Variants in PACS1 observed in about 807,000 individuals in gnomAD.
The protein encoded by PACS1 is phosphofurin acidic cluster sorting protein 1.
A neutral mutation model predicts 115.0 loss-of-function variants in PACS1; 24 were observed. The observed-to-expected ratio is 0.21, with a 90% CI of 0.15 to 0.29. The LOEUF (loss-of-function observed/expected upper bound fraction) is 0.29. PACS1 is among the 10% of genes least tolerant of loss of function. The pLI is 1.00. For missense variants in PACS1, 838 were observed against 1,251.2 expected, an observed-to-expected ratio of 0.67 and a Z score of 4.98; for synonymous variants, 453 against 504.5, an observed-to-expected ratio of 0.90 and a Z score of 1.37.
In PACS1 at chr11:66,137,200, A is replaced by G. The variant is rs549528727; in HGVS notation, c.357-56286A>G. On this transcript the variant is annotated intron_variant, in intron 1 of 23. Transcript: ENST00000320580. ...AGGCCTTGTCCACTTGAGGCTGTTT[A>G]AAAAATACCCATATTTTCTGCTAGT... Among the ~76,000 whole-genome samples the G allele has an allele frequency of 2.9e-3, 440 of 151,338 alleles. 5 individuals carry two copies. The highest frequency in any genetic ancestry group is 0.01 in the African/African-American group (420 of 40,726).
intron 1 of PACS1, among the ~76,000 whole-genome samples, chr11:66,075,184 C>A (rs1433993612): frequency 6.6e-6 from 1 of 152,136 alleles, no homozygotes; most frequent in East Asian, 1.9e-4. Flanking sequence ...AGCTTGTGAT[C>A]TGCCCGCCTT....
chr11:66,070,736 T>A lies in PACS1; in HGVS notation c.250T>A (p.Ser84Thr), dbSNP rs1857294048. Residue 84 changes from serine to threonine, a missense_variant, in exon 1 of 24, where the codon TCC becomes ACC. Around this residue, in one of 6 missense-constraint regions of PACS1, gnomAD observed 129 missense variants for 109.4 expected, o/e 1.18. Transcript: ENST00000320580. The surrounding 1 kb of genome is among the most constrained non-coding windows in gnomAD (Gnocchi z 5.9). ...TSMAVAVASGSAPPGGPGPGR... is the reference protein window; with the variant it reads ...TSMAVAVASGTAPPGGPGPGR... ...CATGGCCGTGGCGGTGGCCTCGGGC[T>A]CCGCGCCTCCCGGTGGCCCGGGGCC... 6.4e-7 allele frequency: 1 copy of A among 1,564,956 alleles called. No individual in the cohort carries two copies. The highest frequency in any genetic ancestry group is 8.6e-7 in the Non-Finnish European group (1 of 1,163,658).
At chr11:66,089,267 T>C (rs1459224727) in intron 1 of PACS1, among the ~76,000 whole-genome samples, 1 of 152,202 alleles carries the variant, frequency 6.6e-6, no homozygotes, top group African/African-American at 2.4e-5. Flanking sequence ...ACCACCACCA[T>C]CATTCTTTTG....
chr11:66,167,055 G>A (rs1000063778), intron 1 of PACS1, among the ~76,000 whole-genome samples: 7 of 150,452 alleles, frequency 4.7e-5, no homozygotes, highest in South Asian at 4.1e-4. Context: ...AGTTCCCATC[G>A]TGCCGCATCT....
intron 1 of PACS1, among the ~76,000 whole-genome samples, chr11:66,134,408 A>G (rs537943375): frequency 2.6e-5 from 4 of 151,308 alleles, no homozygotes; most frequent in African/African-American, 9.7e-5. Context: ...TGGGACCTAC[A>G]GGTGCCTGCC....
At chr11:66,240,544 G>C (rs1255607616) in intron 21 of PACS1, among the ~76,000 whole-genome samples, 9 of 152,126 alleles carry the variant, frequency 5.9e-5, no homozygotes, top group Non-Finnish European at 1.3e-4. Flanking sequence ...CCCAGTCCCT[G>C]GTCTCCCTCA....
chr11:66,081,919 A>G (rs1857487510), intron 1 of PACS1, among the ~76,000 whole-genome samples: 2 of 152,220 alleles, frequency 1.3e-5, no homozygotes, highest in South Asian at 4.1e-4. Context: ...TAGAAAAACT[A>G]CATTCTACTT....
intron 1 of PACS1, among the ~76,000 whole-genome samples, chr11:66,092,849 TTCTGAGGGC>T (rs1426719479): frequency 6.6e-6 from 1 of 152,220 alleles, no homozygotes; most frequent in Non-Finnish European, 1.5e-5. Context: ...GCGGCGTTAT[TTCTGAGGGC>T]TCTGTTCTGT....
intron 1 of PACS1, among the ~76,000 whole-genome samples, chr11:66,095,178 T>C (rs1346638599): frequency 3.8e-4 from 58 of 151,122 alleles, no homozygotes; most frequent in African/African-American, 1.2e-3. Flanking sequence ...TTCAACATAG[T>C]GTTGGAAGTT....
chr11:66,127,065 G>A (rs1023115798), intron 1 of PACS1, among the ~76,000 whole-genome samples: 2 of 152,152 alleles, frequency 1.3e-5, no homozygotes, highest in Non-Finnish European at 2.9e-5. Context: ...CTCATCATGG[G>A]TTCTCTCTAA....
chr11:66,180,466 T>A (rs1859982778), intron 1 of PACS1, among the ~76,000 whole-genome samples: 2 of 152,022 alleles, frequency 1.3e-5, no homozygotes, highest in African/African-American at 2.4e-5. Context: ...GCAATTCTCC[T>A]GCCTCAGCTT....
chr11:66,226,555 G>A (rs912858152), intron 10 of PACS1, among the ~76,000 whole-genome samples: 9 of 152,150 alleles, frequency 5.9e-5, no homozygotes, highest in South Asian at 2.1e-4. Flanking sequence ...AATGTCAATC[G>A]TGCCAAGGTG....
At chr11:66,144,027 ATGTGT>A (rs1365416838) in intron 1 of PACS1, among the ~76,000 whole-genome samples, 3 of 152,252 alleles carry the variant, frequency 2.0e-5, no homozygotes, top group Non-Finnish European at 2.9e-5. Flanking sequence ...TGTGAAGTAA[ATGTGT>A]TGTCACAAAC....
intron 1 of PACS1, among the ~76,000 whole-genome samples, chr11:66,089,107 T>C (rs1046336485): frequency 3.9e-5 from 6 of 152,170 alleles, no homozygotes; most frequent in Admixed American, 2.0e-4. Flanking sequence ...CACATGAATG[T>C]TGAAAATCAT....
At chr11:66,203,272 T>A (rs1006038643) in intron 2 of PACS1, among the ~76,000 whole-genome samples, 10 of 152,148 alleles carry the variant, frequency 6.6e-5, no homozygotes, top group African/African-American at 2.4e-4. Flanking sequence ...ACAAATAAGA[T>A]ACCTAGGAAT....
intron 1 of PACS1, among the ~76,000 whole-genome samples, chr11:66,164,251 C>T (rs1859550002): frequency 2.0e-5 from 3 of 151,944 alleles, no homozygotes; most frequent in Admixed American, 2.0e-4. Context: ...CTTCCATGTG[C>T]GTTTTTCAGT....
chr11:66,193,485 G>C lies in PACS1; in HGVS notation c.357-1G>C. On this transcript the variant is annotated splice_acceptor_variant, in intron 1 of 23. Transcript: ENST00000320580. LOFTEE classifies it high-confidence loss of function. ...AGCATCTTCCTTCTCTGTTTTTCTA[G>C]GCTATTCAGCTTGACCCTGAAGAAA... 1 of 1,606,740 alleles carries C rather than the reference G, an allele frequency of 6.2e-7. No individual in the cohort carries two copies.
chr11:66,077,360 T>G (rs1408668525), intron 1 of PACS1, among the ~76,000 whole-genome samples: 1 of 152,152 alleles, frequency 6.6e-6, no homozygotes, highest in Non-Finnish European at 1.5e-5. Context: ...CCCAGGAGTT[T>G]GAGACCAGCC....
chr11:66,161,963 G>C (rs1021128738), intron 1 of PACS1, among the ~76,000 whole-genome samples: 1 of 152,144 alleles, frequency 6.6e-6, no homozygotes, highest in Admixed American at 6.5e-5. Context: ...ATTAATTGGT[G>C]TAGTGGGTTG....
Sources: gnomAD v4.1 joint callset for allele counts (sites outside exome capture counted in the v4.1 genomes callset) on GRCh38, gnomAD v4.1.1 for gene constraint, gnomAD v4.1.1 regional missense constraint, Gnocchi (gnomAD v3.1) non-coding constraint, MANE v1.5 for transcripts, NCBI Gene and HGNC (gene_info 2026-07-23, HGNC 2026-07-21) for gene names.